SPAG9: variants seen among roughly 807,000 people sequenced by gnomAD.
SPAG9 encodes the protein sperm associated antigen 9.
SPAG9 carries 35 observed loss-of-function variants against 166.5 expected under a neutral mutation model. That is an observed-to-expected ratio of 0.21 (90% CI 0.16 to 0.28). The LOEUF (loss-of-function observed/expected upper bound fraction) is 0.28, where lower values mean the gene tolerates loss of function less well. Among genes scored for constraint, SPAG9 ranks in the 10% least tolerant of loss-of-function variants. The pLI, the probability that SPAG9 is intolerant of heterozygous loss-of-function variation, is 1.00. For missense variants in SPAG9, 1,235 were observed against 1,603.3 expected (o/e 0.77, Z 3.92); for synonymous variants, 534 against 565.5 (o/e 0.94, Z 0.79).
intron 3 of SPAG9, among the ~76,000 whole-genome samples, chr17:51,054,629 G>C (rs1031793984): frequency 5.3e-5 from 8 of 150,734 alleles, no homozygotes; most frequent in Admixed American, 2.0e-4. Context: ...GTAGAGACGG[G>C]GTTTCACCGT....
chr17:51,038,383 A>C (rs1167347650), intron 5 of SPAG9, among the ~76,000 whole-genome samples: 1 of 152,330 alleles, frequency 6.6e-6, no homozygotes, highest in African/African-American at 2.4e-5. Context: ...TGGTGAAGAA[A>C]ATCAGTGTGT....
chr17:51,055,563 G>A (rs1051852099), intron 3 of SPAG9, among the ~76,000 whole-genome samples: 15 of 151,436 alleles, frequency 9.9e-5, no homozygotes, highest in African/African-American at 2.9e-4. Flanking sequence ...TCTACCAGAC[G>A]CAGGATAAGA....
intron 15 of SPAG9, 79 bp downstream of exon 15, chr17:50,998,365 T>G: frequency 7.7e-7 from 1 of 1,301,288 alleles, no homozygotes; most frequent in South Asian, 1.3e-5. Context: ...CCTGAATCCT[T>G]AGAGCTGATA....
chr17:51,064,520 A>T (rs1301183459), intron 2 of SPAG9, among the ~76,000 whole-genome samples: 1 of 152,180 alleles, frequency 6.6e-6, no homozygotes, highest in Non-Finnish European at 1.5e-5. Flanking sequence ...TCCGGTTATG[A>T]AAAGGAAGGA....
In SPAG9 at chr17:50,963,917, T is replaced by C. The variant is rs1757422774; in HGVS notation, c.*2355A>G. Reference sequence around the variant, plus strand: ...GGTGCCCTGCAAAAAAGTGACTAAGTAGCTCAAGCAAAAAATTATTCTTTT... The same window carrying C: ...GGTGCCCTGCAAAAAAGTGACTAAGCAGCTCAAGCAAAAAATTATTCTTTT... On this transcript the variant is annotated 3_prime_UTR_variant, in exon 30 of 30. Transcript: ENST00000262013. 6.6e-6 allele frequency: 1 copy of C among 152,214 alleles called. No individual in the cohort carries two copies. The highest frequency in any genetic ancestry group is 2.4e-5 in the African/African-American group (1 of 41,456). 9.4% of individuals were successfully genotyped at this position (152,214 alleles called of 1,614,324 possible).
At chr17:51,047,818 G>C (rs1243295188) in intron 3 of SPAG9, among the ~76,000 whole-genome samples, 1 of 151,688 alleles carries the variant, frequency 6.6e-6, no homozygotes, top group Non-Finnish European at 1.5e-5. Context: ...AAAGACCATT[G>C]GTTAAAAATA....
Position 51,020,273 on chromosome 17 carries a change from T to C in SPAG9, c.992-15A>G, listed in dbSNP as rs748733124. The C allele has an allele frequency of 6.4e-7, 1 of 1,564,338 alleles. No homozygotes were observed. The highest frequency in any genetic ancestry group is 8.8e-7 in the Non-Finnish European group (1 of 1,135,568). On this transcript the variant is annotated splice_polypyrimidine_tract_variant and intron_variant, in intron 7 of 29. Transcript: ENST00000262013. ...TTCAGCAGAGCCTTAAAAAAGGACA[T>C]GATGAAATAAACAATACATATATTA... is the stretch of plus-strand genomic sequence containing the variant.
At chr17:50,970,663 C>A in intron 29 of SPAG9, 44 bp downstream of exon 29, 1 of 1,571,094 alleles carries the variant, frequency 6.4e-7, no homozygotes, top group South Asian at 1.2e-5. Flanking sequence ...AAACCCAAGT[C>A]ATAGCACACA....
chr17:50,982,445 A>T (rs910921437), intron 25 of SPAG9, 79 bp downstream of exon 25: 19 of 1,301,840 alleles, frequency 1.5e-5, no homozygotes, highest in Non-Finnish European at 3.1e-6. Flanking sequence ...TTTCTAAAGA[A>T]GCTGAAAATA....
At chr17:51,035,727 A>G (rs1468919589) in intron 5 of SPAG9, among the ~76,000 whole-genome samples, 2 of 152,270 alleles carry the variant, frequency 1.3e-5, no homozygotes, top group Non-Finnish European at 2.9e-5. Flanking sequence ...TGATTTTATG[A>G]GAACTCTCTA....
chr17:51,056,762 T>C (rs1210786687), intron 2 of SPAG9, among the ~76,000 whole-genome samples: 3 of 152,144 alleles, frequency 2.0e-5, no homozygotes, highest in African/African-American at 7.2e-5. Context: ...ATTAACTCTT[T>C]CAAAAACACA....
At position 51,120,590 on chromosome 17, in the gene SPAG9, G is replaced by C. The variant is rs1033664830; in HGVS notation, c.67C>G (p.Arg23Gly). The change falls in exon 1 of 30, where the codon CGG becomes GGG. Residue 23 changes from arginine (R) to glycine (G), a missense_variant. Around this residue, in one of 6 missense-constraint regions of SPAG9, gnomAD observed 83 missense variants for 149.8 expected, o/e 0.55. Transcript: ENST00000262013. The surrounding 1 kb of genome is among the most constrained non-coding windows in gnomAD (Gnocchi z 4.7). The stretch of plus-strand genomic sequence containing the variant: ...ATGGAGCCGGCCAGGCCGGACACCC[G>C]CTCCGACATCACGGCCCCGGAGCCG... Reference protein sequence around the residue: ...PGGSGAVMSERVSGLAGSIYR... With the variant: ...PGGSGAVMSEGVSGLAGSIYR... The C allele has an allele frequency of 6.2e-7, 1 of 1,613,028 alleles. No individual in the cohort carries two copies. Among genetic ancestry groups the C allele is most frequent in the African/African-American group, 1.3e-5 (1 of 74,852 alleles).
intron 3 of SPAG9, among the ~76,000 whole-genome samples, chr17:51,054,771 G>A (rs2047315210): frequency 6.6e-6 from 1 of 152,052 alleles, no homozygotes; most frequent in Non-Finnish European, 1.5e-5. Context: ...AAAAGCTGCT[G>A]TATAACCTGC....
intron 2 of SPAG9, among the ~76,000 whole-genome samples, chr17:51,057,877 T>C (rs189636913): frequency 2.8e-4 from 43 of 152,326 alleles, no homozygotes; most frequent in Admixed American, 5.9e-4. Context: ...GATAAAATAA[T>C]AGATGCTAAA....
intron 1 of SPAG9, among the ~76,000 whole-genome samples, chr17:51,083,438 T>C (rs1006514288): frequency 6.6e-6 from 1 of 151,754 alleles, no homozygotes; most frequent in Non-Finnish European, 1.5e-5. Context: ...GGTTTCACCA[T>C]GTTGGCCGGG....
At chr17:50,968,363 A>G (rs1311810390) in intron 29 of SPAG9, among the ~76,000 whole-genome samples, 1 of 152,186 alleles carries the variant, frequency 6.6e-6, no homozygotes, top group Non-Finnish European at 1.5e-5. Flanking sequence ...TATTCTCTCA[A>G]ACTGCCTACT....
chr17:50,984,707 G>C (rs2143759900), intron 24 of SPAG9, among the ~76,000 whole-genome samples: 1 of 151,904 alleles, frequency 6.6e-6, no homozygotes, highest in East Asian at 1.9e-4. Context: ...TAAAATAAAA[G>C]CACCATAAAA....
In SPAG9 at chr17:51,006,102, C is replaced by T. The variant is rs1236130938; in HGVS notation, c.1407G>A (p.Leu469=). 1.9e-6 allele frequency: 3 copies of T among 1,614,072 alleles called. No homozygotes were observed. In the African/African-American group the frequency reaches 4.0e-5, roughly 22 times the overall value. Residue 469 remains leucine, a synonymous_variant, in exon 11 of 30, where the codon TTG becomes TTA. Transcript: ENST00000262013. Reference sequence around the variant, plus strand: ...AAACTTACTTCCTAAGCTCTTCCTCCAATTCTCTGTTCTTTTCCTCTAGTT... The same window carrying T: ...AAACTTACTTCCTAAGCTCTTCCTCTAATTCTCTGTTCTTTTCCTCTAGTT... ...KLKLEEKNRE[L]EEELRKARAE...
intron 4 of SPAG9, 53 bp downstream of exon 4, chr17:51,047,322 A>G: frequency 1.0e-6 from 1 of 1,001,926 alleles, no homozygotes; most frequent in Non-Finnish European, 1.5e-6. Flanking sequence ...AACAGAAACA[A>G]ACATATTATT....
Sources: gnomAD v4.1 joint callset for allele counts (sites outside exome capture counted in the v4.1 genomes callset) on GRCh38, gnomAD v4.1.1 for gene constraint, gnomAD v4.1.1 regional missense constraint, Gnocchi (gnomAD v3.1) non-coding constraint, MANE v1.5 for transcripts, NCBI Gene and HGNC (gene_info 2026-07-23, HGNC 2026-07-21) for gene names.